KDM6A: variants seen among roughly 807,000 people sequenced by gnomAD.
KDM6A encodes lysine demethylase 6A, also known as lysine-specific demethylase 6A.
A neutral mutation model predicts 117.6 loss-of-function variants in KDM6A; 11 were observed. That is an observed-to-expected ratio of 0.09 (90% confidence interval 0.06 to 0.15). The LOEUF is 0.15. Ranked by LOEUF, KDM6A falls within the 10% of genes least tolerant of loss-of-function variation. The pLI is 1.00. For missense variants in KDM6A, 799 were observed against 1,077.3 expected, an observed-to-expected ratio of 0.74 and a Z score of 3.62; for synonymous variants, 384 against 396.1, an observed-to-expected ratio of 0.97 and a Z score of 0.36.
intron 2 of KDM6A, among the ~76,000 whole-genome samples, chrX:44,912,784 G>A (rs1046526672): frequency 5.4e-5 from 6 of 111,700 alleles, no homozygotes; most frequent in African/African-American, 1.3e-4. Flanking sequence ...TAATAGCTTC[G>A]TCTACTTCTG....
chrX:44,994,589 A>G (rs934055617), intron 4 of KDM6A, among the ~76,000 whole-genome samples: 1 of 112,354 alleles, frequency 8.9e-6, no homozygotes, highest in African/African-American at 3.2e-5. Flanking sequence ...GATGTTATAA[A>G]TAAAGTTTTA....
rs375095336 is a variant in KDM6A at position 45,046,981 on chromosome X, A to ATGGTGGTGG, written c.655-4708_655-4700dup. Among the ~76,000 whole-genome samples, 403 of 103,416 alleles carry ATGGTGGTGG rather than the reference A, an allele frequency of 3.9e-3. 7 individuals are homozygous for ATGGTGGTGG. Among genetic ancestry groups the ATGGTGGTGG allele is most frequent in the African/African-American group, 0.013 (362 of 27,647 alleles). 89.8% of individuals were successfully genotyped at this position (103,416 alleles called of 115,157 possible). A position where few individuals can be genotyped will look rare whatever the true frequency, so the allele number is the denominator to read the frequency against. ...GCAGTCTCTTTTATTGGTGGTGATG[A>ATGGTGGTGG]TGGTGGTGGTGGTGGTGGTGGTGGT... is the stretch of plus-strand genomic sequence containing the variant. On this transcript the variant is annotated intron_variant, in intron 8 of 29. Transcript: ENST00000611820.
At chrX:44,967,313 G>C (rs1227445915) in intron 3 of KDM6A, among the ~76,000 whole-genome samples, 1 of 111,167 alleles carries the variant, frequency 9.0e-6, no homozygotes. Context: ...TGTTACCTTT[G>C]GCTACCTCCT....
At chrX:44,990,004 A>C (rs1197590453) in intron 4 of KDM6A, among the ~76,000 whole-genome samples, 3 of 111,862 alleles carry the variant, frequency 2.7e-5, no homozygotes, top group Non-Finnish European at 5.6e-5. Context: ...TTTGGCTGGC[A>C]ATAGTTTATA....
chrX:44,903,281 A>C (rs1271152666), intron 2 of KDM6A, among the ~76,000 whole-genome samples: 1 of 111,557 alleles, frequency 9.0e-6, no homozygotes, highest in Non-Finnish European at 1.9e-5. Flanking sequence ...TTTCCTTTCA[A>C]CACTTTTACC....
At position 44,926,625 on chromosome X, in the gene KDM6A, A is replaced by G. The variant is rs139413419; in HGVS notation, c.226-34659A>G. On this transcript the variant is annotated intron_variant, in intron 2 of 29. Coordinates refer to ENST00000611820, the MANE Select transcript of KDM6A (RefSeq NM_001291415.2). Reference sequence around the variant, plus strand: ...ATACGTATAATAGGACCATACATATATATGCATGCATTTGTATTTTTGATA... The same window carrying G: ...ATACGTATAATAGGACCATACATATGTATGCATGCATTTGTATTTTTGATA... 7.8e-4 allele frequency among the ~76,000 whole-genome samples: 87 copies of G among 111,691 alleles called. No homozygotes were observed. The East Asian group carries it at 0.022, about 28-fold the overall frequency.
At chrX:45,028,066 G>T (rs771390777) in intron 6 of KDM6A, among the ~76,000 whole-genome samples, 1 of 111,234 alleles carries the variant, frequency 9.0e-6, no homozygotes, top group South Asian at 3.8e-4. Flanking sequence ...GTGCTGGTTG[G>T]TCCCTCAAAG....
At chrX:45,027,985 G>A (rs2042450220) in intron 6 of KDM6A, among the ~76,000 whole-genome samples, 2 of 109,253 alleles carry the variant, frequency 1.8e-5, no homozygotes, top group South Asian at 7.9e-4. Context: ...GTAGAGATGG[G>A]GTTTCATCGT....
chrX:44,972,088 A>G (rs760117454), intron 3 of KDM6A, among the ~76,000 whole-genome samples: 2 of 111,062 alleles, frequency 1.8e-5, no homozygotes, highest in Admixed American at 9.6e-5. Context: ...ATAATGTTTT[A>G]TTTACTGCTT....
At chrX:44,993,369 A>G (rs1569509837) in intron 4 of KDM6A, among the ~76,000 whole-genome samples, 1 of 111,388 alleles carries the variant, frequency 9.0e-6, no homozygotes, top group Non-Finnish European at 1.9e-5. Flanking sequence ...AACTGAAAAT[A>G]ATTTTAATTG....
chrX:44,958,604 C>CTTTTTTTTTTTTTT (rs34006049), intron 2 of KDM6A, among the ~76,000 whole-genome samples: 5 of 56,453 alleles, frequency 8.9e-5, no homozygotes, highest in East Asian at 7.9e-4. Flanking sequence ...CTATATAGAC[C>CTTTTTTTTTTTTTT]TTTTTTTTTT....
In KDM6A at chrX:44,903,852, A is replaced by G. The variant is rs749304437; in HGVS notation, c.225+29865A>G. Among the ~76,000 whole-genome samples, 9 of 112,014 alleles carry G rather than the reference A, an allele frequency of 8.0e-5. No individual in the cohort carries two copies. The East Asian group carries it at 2.5e-3, about 31-fold the overall frequency. On this transcript the variant is annotated intron_variant, in intron 2 of 29. Coordinates refer to ENST00000611820, the MANE Select transcript of KDM6A (RefSeq NM_001291415.2). ...GACCTTATACTTTAGTTCTTGAGAC[A>G]TATTTTACTTTATGTAAAAGATGTT...
At chrX:45,068,786 TTCTTTCTCTTTCTCTTTC>T (rs758877055) in intron 17 of KDM6A, among the ~76,000 whole-genome samples, 59 of 85,459 alleles carry the variant, frequency 6.9e-4, no homozygotes, top group African/African-American at 2.6e-3. Context: ...CTCCTCTCTC[TTCTTTCTCTTTCTCTTTC>T]TCTTTCTCTT....
At chrX:45,041,000 A>ACC (rs2043137585) in intron 8 of KDM6A, among the ~76,000 whole-genome samples, 1 of 44,664 alleles carries the variant, frequency 2.2e-5, no homozygotes, top group Non-Finnish European at 4.2e-5. Context: ...CGGGGGGCTG[A>ACC]CCCCCCCACC....
chrX:44,913,447 C>T lies in KDM6A; in HGVS notation c.225+39460C>T, dbSNP rs190266813. On this transcript the variant is annotated intron_variant, in intron 2 of 29. Coordinates refer to ENST00000611820, the MANE Select transcript of KDM6A (RefSeq NM_001291415.2). ...CCGAGTAAATGAGATTACAGGCACT[C>T]GCCACCACGTCTGGCTAATTTTTTG... Among the ~76,000 whole-genome samples the T allele has an allele frequency of 2.8e-5, 3 of 108,871 alleles. No individual in the cohort carries two copies. In the East Asian group the frequency reaches 8.7e-4, roughly 31 times the overall value. 94.5% of individuals were successfully genotyped at this position (108,871 alleles called of 115,157 possible).
At chrX:45,022,159 A>G in intron 6 of KDM6A, among the ~76,000 whole-genome samples, 1 of 112,317 alleles carries the variant, frequency 8.9e-6, no homozygotes, top group Non-Finnish European at 1.9e-5. Context: ...CTATGCGTGT[A>G]TCAGTACAGT....
chrX:45,106,665 A>C, intron 27 of KDM6A: 1 of 338,846 alleles, frequency 3.0e-6, no homozygotes, highest in Non-Finnish European at 5.9e-6. Context: ...ATAATTGAGC[A>C]AACAACTCCA....
At chrX:45,095,024 C>T (rs2046047681) in intron 27 of KDM6A, among the ~76,000 whole-genome samples, 1 of 110,936 alleles carries the variant, frequency 9.0e-6, no homozygotes, top group Non-Finnish European at 1.9e-5. Context: ...AAAGGTGTTT[C>T]TAGCTATTAA....
intron 4 of KDM6A, among the ~76,000 whole-genome samples, chrX:44,999,066 C>A (rs1003202498): frequency 1.8e-4 from 20 of 111,578 alleles, no homozygotes; most frequent in African/African-American, 6.5e-4. Context: ...GCCTCTAATT[C>A]CAGTACTTTG....
Sources: allele counts gnomAD v4.1 joint callset (sites outside exome capture counted in the v4.1 genomes callset), GRCh38; gene constraint gnomAD v4.1.1; transcripts MANE v1.5; gene names NCBI Gene and HGNC (gene_info 2026-07-23, HGNC 2026-07-21).